Variants in ATP8B1 observed in about 807,000 individuals in gnomAD.
ATP8B1 encodes phospholipid-transporting ATPase IC.
In ATP8B1, 80 loss-of-function variants were observed where a neutral mutation model predicts 149.9. The observed-to-expected ratio is 0.53, with a 90% CI of 0.45 to 0.64. The LOEUF is 0.64. Ranked by LOEUF, ATP8B1 falls within the 30% of genes least tolerant of loss-of-function variation. The pLI is 0.00. For synonymous variants in ATP8B1, 536 were observed against 562.8 expected (o/e 0.95, Z 0.67); for missense variants, 1,247 against 1,552.6 (o/e 0.80, Z 3.31).
chr18:57,659,797 A>G (rs1363801105), intron 22 of ATP8B1: 1 of 152,254 alleles, frequency 6.6e-6, no homozygotes, highest in Non-Finnish European at 1.5e-5. Flanking sequence ...CTTAGTATAC[A>G]TCAAGGAGGA....
At chr18:57,741,394 T>C (rs1221087817) in intron 1 of ATP8B1, among the ~76,000 whole-genome samples, 1 of 152,192 alleles carries the variant, frequency 6.6e-6, no homozygotes, top group Non-Finnish European at 1.5e-5. Flanking sequence ...CATGGCAAGA[T>C]GTGAAGTTAG....
At position 57,731,826 on chromosome 18, in the gene ATP8B1, C is replaced by A; in HGVS notation, c.-19G>T. 6.2e-7 allele frequency: 1 copy of A among 1,614,016 alleles called. No individual in the cohort carries two copies. The highest frequency in any genetic ancestry group is 8.5e-7 in the Non-Finnish European group (1 of 1,179,964). On this transcript the variant is annotated 5_prime_UTR_variant, in exon 2 of 28. Coordinates refer to ENST00000648908, the MANE Select transcript of ATP8B1 (RefSeq NM_001374385.1). The stretch of plus-strand genomic sequence containing the variant: ...TACTCATTCTGCTGGCAAATTGGAA[C>A]TACCTGCTTAAAAGGAAAGAGAAAC...
intron 15 of ATP8B1, among the ~76,000 whole-genome samples, chr18:57,678,535 C>G (rs1450942592): frequency 4.8e-5 from 7 of 146,162 alleles, no homozygotes; most frequent in South Asian, 2.2e-4. Context: ...TGCAGTGAAC[C>G]GAGATCACAC....
rs969197020 is a variant in ATP8B1, at chr18:57,741,905, T to C, written c.-25-10073A>G. On this transcript the variant is annotated intron_variant, in intron 1 of 27. Transcript: ENST00000648908. Reference sequence around the variant, plus strand: ...ACTTATTTGAGACAGAGTCTCACTCTGTCACCCAGGCTGGAGTCCAGTGGT... The same window carrying C: ...ACTTATTTGAGACAGAGTCTCACTCCGTCACCCAGGCTGGAGTCCAGTGGT... Among the ~76,000 whole-genome samples the C allele has an allele frequency of 7.2e-5, 11 of 152,334 alleles. No homozygotes were observed. The East Asian group carries it at 2.1e-3, about 29-fold the overall frequency.
At chr18:57,679,582 C>T (rs966052098) in intron 15 of ATP8B1, among the ~76,000 whole-genome samples, 1 of 152,184 alleles carries the variant, frequency 6.6e-6, no homozygotes, top group Non-Finnish European at 1.5e-5. Context: ...TTCTCATCAA[C>T]CTGATTCCCT....
intron 2 of ATP8B1, among the ~76,000 whole-genome samples, chr18:57,717,298 C>A (rs566909131): frequency 2.6e-5 from 4 of 152,050 alleles, no homozygotes. Context: ...GTAATCCCAA[C>A]ACTTTGGGAG....
rs1568189243 is a variant in ATP8B1, at chr18:57,672,910, AT to A, written c.1820-1331del. Among the ~76,000 whole-genome samples the A allele has an allele frequency of 1.9e-4, 14 of 75,312 alleles. 1 individual carries two copies. Among genetic ancestry groups the A allele is most frequent in the Non-Finnish European group, 2.4e-4 (9 of 37,380 alleles). The allele number at this position is 75,312 out of a possible 152,430, so 49.4% of individuals were successfully genotyped here. A position where few individuals can be genotyped will look rare whatever the true frequency, so the allele number is the denominator to read the frequency against. On this transcript the variant is annotated intron_variant, in intron 16 of 27. Transcript: ENST00000648908. ...AGTATATATATATATATATATATATATATATATATATATATATATATAACAT... is the reference window on the plus strand; with the variant it reads ...AGTATATATATATATATATATATATAATATATATATATATATATATAACAT...
At chr18:57,728,625 A>G (rs1169725882) in intron 2 of ATP8B1, among the ~76,000 whole-genome samples, 2 of 152,054 alleles carry the variant, frequency 1.3e-5, no homozygotes, top group African/African-American at 4.8e-5. Context: ...TCACAGGCAA[A>G]GTCATTTGAT....
At chr18:57,684,762 T>TA (rs1912148826) in intron 14 of ATP8B1, among the ~76,000 whole-genome samples, 1 of 152,174 alleles carries the variant, frequency 6.6e-6, no homozygotes, top group Non-Finnish European at 1.5e-5. Context: ...TTTACAGATG[T>TA]AATCAAGATA....
chr18:57,667,554 A>C (rs1208295713), intron 19 of ATP8B1: 1 of 216,494 alleles, frequency 4.6e-6, no homozygotes, highest in Admixed American at 5.2e-5. Context: ...ATCTGTAGGA[A>C]TCACATGCAG....
At chr18:57,685,009 T>C (rs759998777) in intron 14 of ATP8B1, 63 bp downstream of exon 14, 24 of 1,583,122 alleles carry the variant, frequency 1.5e-5, no homozygotes, top group Non-Finnish European at 2.0e-5. Context: ...AAAGGAAGCA[T>C]GGCCCTGCTG....
intron 18 of ATP8B1, 87 bp from the exon 19 acceptor site, chr18:57,668,627 A>T (rs1349495576): frequency 2.4e-6 from 2 of 818,506 alleles, no homozygotes; most frequent in African/African-American, 3.5e-5. Context: ...ACCTGTAAAA[A>T]GAAGGGCTAA....
At chr18:57,688,610 C>G in intron 12 of ATP8B1, 103 bp from the exon 13 acceptor site, 1 of 1,132,198 alleles carries the variant, frequency 8.8e-7, no homozygotes, top group Non-Finnish European at 1.3e-6. Context: ...TGCTTATTTA[C>G]TGCTATGGTC....
intron 1 of ATP8B1, among the ~76,000 whole-genome samples, chr18:57,751,597 A>C: frequency 1.3e-5 from 2 of 152,326 alleles, no homozygotes; most frequent in East Asian, 3.9e-4. Context: ...CTTCCAGATT[A>C]TCTTCAAAAT....
intron 23 of ATP8B1, among the ~76,000 whole-genome samples, chr18:57,654,695 CTTT>C (rs35541979): frequency 6.7e-4 from 88 of 131,440 alleles, no homozygotes; most frequent in Admixed American, 7.8e-4. Flanking sequence ...AAATCCCCTC[CTTT>C]TTTTTTTTTT....
chr18:57,673,260 CAG>C (rs976290153), intron 16 of ATP8B1, among the ~76,000 whole-genome samples: 6 of 151,816 alleles, frequency 4.0e-5, no homozygotes, highest in Non-Finnish European at 5.9e-5. Flanking sequence ...GTCCTTGACT[CAG>C]AGTCATGATC....
At chr18:57,713,365 C>T (rs1394814022) in intron 2 of ATP8B1, among the ~76,000 whole-genome samples, 1 of 151,074 alleles carries the variant, frequency 6.6e-6, no homozygotes, top group Admixed American at 6.6e-5. Flanking sequence ...GGTGTCATCT[C>T]AGCTCACTGC....
intron 2 of ATP8B1, among the ~76,000 whole-genome samples, chr18:57,714,712 G>T (rs1009367704): frequency 3.9e-5 from 6 of 152,140 alleles, no homozygotes; most frequent in African/African-American, 1.4e-4. Context: ...CTTCCAGATA[G>T]TCTGCAAGAA....
chr18:57,681,882 C>T (rs1599110623), intron 15 of ATP8B1, among the ~76,000 whole-genome samples: 2 of 73,526 alleles, frequency 2.7e-5, no homozygotes, highest in South Asian at 8.9e-4. Context: ...GGTTAAAAGC[C>T]GAAAGCAATT....
Sources: allele counts gnomAD v4.1 joint callset (sites outside exome capture counted in the v4.1 genomes callset), GRCh38; gene constraint gnomAD v4.1.1; transcripts MANE v1.5; gene names NCBI Gene and HGNC (gene_info 2026-07-23, HGNC 2026-07-21).